PPARGC1B: variants seen among roughly 807,000 people sequenced by gnomAD.
PPARGC1B encodes PPARG coactivator 1 beta.
In PPARGC1B, 34 loss-of-function variants were observed where a neutral mutation model predicts 101.6. That is an observed-to-expected ratio of 0.33 (90% confidence interval 0.25 to 0.45). The LOEUF (loss-of-function observed/expected upper bound fraction) is 0.45. PPARGC1B is among the 20% of genes least tolerant of loss of function. PPARGC1B has a pLI of 1.00. For missense variants in PPARGC1B, 1,234 were observed against 1,317.6 expected (o/e 0.94, Z 0.98); for synonymous variants, 548 against 539.3 (o/e 1.02, Z -0.22).
intron 1 of PPARGC1B, among the ~76,000 whole-genome samples, chr5:149,816,222 A>G (rs1758047935): frequency 6.6e-6 from 1 of 152,168 alleles, no homozygotes; most frequent in South Asian, 2.1e-4. Flanking sequence ...CGCGAAGCTG[A>G]GGTTTCTTTG....
intron 1 of PPARGC1B, among the ~76,000 whole-genome samples, chr5:149,801,341 G>A (rs1459567160): frequency 6.6e-6 from 1 of 152,148 alleles, no homozygotes; most frequent in Non-Finnish European, 1.5e-5. Context: ...TGATCTGCAA[G>A]CTCAAAAAAA....
At chr5:149,811,113 T>C (rs1757841772) in intron 1 of PPARGC1B, among the ~76,000 whole-genome samples, 1 of 152,176 alleles carries the variant, frequency 6.6e-6, no homozygotes, top group Non-Finnish European at 1.5e-5. Flanking sequence ...CCATATGACA[T>C]GTATATTCAT....
intron 1 of PPARGC1B, among the ~76,000 whole-genome samples, chr5:149,743,359 T>C (rs1406799184): frequency 2.6e-5 from 4 of 152,114 alleles, no homozygotes; most frequent in Admixed American, 2.6e-4. Context: ...TTTCTCCATA[T>C]TGGCCAGGCT....
chr5:149,740,144 G>T (rs565441371), intron 1 of PPARGC1B: 2 of 152,346 alleles, frequency 1.3e-5, no homozygotes, highest in Admixed American at 6.5e-5. Context: ...ACAAACATTT[G>T]CCCTAATTGT....
At chr5:149,787,353 C>A (rs1010786471) in intron 1 of PPARGC1B, among the ~76,000 whole-genome samples, 7 of 152,210 alleles carry the variant, frequency 4.6e-5, no homozygotes, top group Non-Finnish European at 8.8e-5. Flanking sequence ...CCCACGAGAG[C>A]TGGGCCAGGA....
intron 11 of PPARGC1B, 80 bp downstream of exon 11, chr5:149,845,994 C>A (rs1044120331): frequency 3.2e-6 from 5 of 1,560,458 alleles, no homozygotes; most frequent in Non-Finnish European, 4.4e-6. Flanking sequence ...AAACCCAGAG[C>A]TAAAGCGCCT....
At chr5:149,767,601 A>G (rs1755959603) in intron 1 of PPARGC1B, among the ~76,000 whole-genome samples, 1 of 152,180 alleles carries the variant, frequency 6.6e-6, no homozygotes. Context: ...TTCCTTCCCA[A>G]GTAAGAAAGC....
At chr5:149,819,500 T>TG (rs1758193018) in intron 1 of PPARGC1B, among the ~76,000 whole-genome samples, 1 of 150,790 alleles carries the variant, frequency 6.6e-6, no homozygotes, top group Non-Finnish European at 1.5e-5. Flanking sequence ...TTTTGTTTTT[T>TG]TTTGTTTGTT....
chr5:149,828,377 T>C (rs1758611134), intron 3 of PPARGC1B, among the ~76,000 whole-genome samples: 1 of 152,252 alleles, frequency 6.6e-6, no homozygotes, highest in South Asian at 2.1e-4. Context: ...CTCGGCTTCC[T>C]GATCTATAAA....
chr5:149,750,475 T>C (rs1016216343), intron 1 of PPARGC1B, among the ~76,000 whole-genome samples: 28 of 130,960 alleles, frequency 2.1e-4, no homozygotes, highest in Non-Finnish European at 5.0e-5. Context: ...TATATATATA[T>C]ATATATATAT....
At chr5:149,800,668 G>T (rs1208597128) in intron 1 of PPARGC1B, among the ~76,000 whole-genome samples, 1 of 152,240 alleles carries the variant, frequency 6.6e-6, no homozygotes, top group Admixed American at 6.5e-5. Flanking sequence ...TGCTGCTGTT[G>T]TCATGTGACA....
intron 6 of PPARGC1B, 71 bp from the exon 7 acceptor site, chr5:149,835,230 T>G: frequency 7.0e-7 from 1 of 1,425,456 alleles, no homozygotes; most frequent in Non-Finnish European, 9.9e-7. Context: ...CTGCGACCCT[T>G]TCATGGGCGG....
rs1291814019 is a variant in PPARGC1B at position 149,832,865 on chromosome 5, C to T, written c.792C>T (p.Pro264=). Residue 264 remains proline (P), a synonymous_variant, in exon 5 of 12, where the codon CCC becomes CCT. Transcript: ENST00000309241. This position sits in a 1 kb window ranked among gnomAD's most constrained non-coding sequence, Gnocchi z 4.9. The part of the protein sequence containing the change: ...CPSPQPAPAS[P]RDSLALGRAD... ...GCCCCCAGCCAGCTCCAGCCTCTCC[C>T]CGGGACTCCCTAGCTCTGGGCAGGG... 5.0e-6 allele frequency: 8 copies of T among 1,611,374 alleles called. No homozygotes were observed. The highest frequency in any genetic ancestry group is 2.2e-5 in the East Asian group (1 of 44,844).
intron 1 of PPARGC1B, among the ~76,000 whole-genome samples, chr5:149,768,671 A>G (rs1342150913): frequency 8.0e-6 from 1 of 125,268 alleles, no homozygotes; most frequent in East Asian, 2.3e-4. Context: ...GCCCACCACC[A>G]TGCCTGGCTA....
chr5:149,776,114 A>G (rs1271251879), intron 1 of PPARGC1B, among the ~76,000 whole-genome samples: 1 of 152,002 alleles, frequency 6.6e-6, no homozygotes, highest in Non-Finnish European at 1.5e-5. Context: ...CTCTTCATAC[A>G]AGTATGTTTC....
At chr5:149,818,771 A>T in intron 1 of PPARGC1B, 1 of 454,274 alleles carries the variant, frequency 2.2e-6, no homozygotes, top group South Asian at 1.6e-5. Context: ...ATTATTTGTT[A>T]TATTACTCTT....
chr5:149,845,611 C>A, intron 10 of PPARGC1B, 149 bp from the exon 11 acceptor site: 1 of 762,322 alleles, frequency 1.3e-6, no homozygotes, highest in Non-Finnish European at 2.2e-6. Flanking sequence ...CAGAAGTCAG[C>A]CCAGTGGTCA....
chr5:149,772,991 G>A lies in PPARGC1B; in HGVS notation c.78+42571G>A, dbSNP rs546707510. ...AGGTAAAGGCGCTGGCTGTGGTGGC[G>A]TTGCAGGAGGTGTTTGGGGAGATGG... On this transcript the variant is annotated intron_variant, in intron 1 of 11. Transcript: ENST00000309241. 3.9e-5 allele frequency among the ~76,000 whole-genome samples: 6 copies of A among 152,326 alleles called. No individual in the cohort carries two copies. In the South Asian group the frequency reaches 8.3e-4, roughly 21 times the overall value.
At chr5:149,768,809 C>A (rs1234385272) in intron 1 of PPARGC1B, among the ~76,000 whole-genome samples, 2 of 152,148 alleles carry the variant, frequency 1.3e-5, no homozygotes, top group African/African-American at 4.8e-5. Context: ...AGCCACCATG[C>A]CTGGCATAAT....
Sources: allele counts gnomAD v4.1 joint callset (sites outside exome capture counted in the v4.1 genomes callset), GRCh38; gene constraint gnomAD v4.1.1; non-coding constraint Gnocchi (gnomAD v3.1); transcripts MANE v1.5; gene names NCBI Gene and HGNC (gene_info 2026-07-23, HGNC 2026-07-21).